The following UBR2 variants were observed in gnomAD, a reference collection of about 807,000 sequenced individuals.
The protein encoded by UBR2 is ubiquitin protein ligase E3 component n-recognin 2, also known as E3 ubiquitin-protein ligase UBR2.
A neutral mutation model predicts 247.9 loss-of-function variants in UBR2; 92 were observed. That is an observed-to-expected ratio of 0.37 (90% CI 0.31 to 0.44). The LOEUF is 0.44. Among genes scored for constraint, UBR2 ranks in the 20% least tolerant of loss-of-function variants. The pLI is 1.00. For missense variants in UBR2, 1,613 were observed against 2,112.6 expected, an observed-to-expected ratio of 0.76 and a Z score of 4.64; for synonymous variants, 672 against 693.5, an observed-to-expected ratio of 0.97 and a Z score of 0.49.
rs184198024 is a variant in UBR2, at chr6:42,621,753, G to A, written c.1281+4246G>A. Among the ~76,000 whole-genome samples, 230 of 151,744 alleles carry A rather than the reference G, an allele frequency of 1.5e-3. 2 individuals are homozygous for A. The highest frequency in any genetic ancestry group is 4.8e-3 in the African/African-American group (199 of 41,368). ...TGAGATTACAGGCGTGAGCCACCGCGCCAGGCCAGCCTTGGCCATTCTTAA... is the reference window on the plus strand; with the variant it reads ...TGAGATTACAGGCGTGAGCCACCGCACCAGGCCAGCCTTGGCCATTCTTAA... On this transcript the variant is annotated intron_variant, in intron 11 of 46. Transcript: ENST00000372901.
At chr6:42,608,534 G>A (rs1793862970) in intron 7 of UBR2, among the ~76,000 whole-genome samples, 1 of 152,124 alleles carries the variant, frequency 6.6e-6, no homozygotes, top group Non-Finnish European at 1.5e-5. Context: ...GGAGGCTGAG[G>A]TAGAAGGATT....
At chr6:42,680,501 A>G (rs1798978304) in intron 42 of UBR2, among the ~76,000 whole-genome samples, 1 of 151,392 alleles carries the variant, frequency 6.6e-6, no homozygotes, top group South Asian at 2.1e-4. Flanking sequence ...CTGCCTTTGA[A>G]CTCCTGGGCT....
Position 42,619,432 on chromosome 6 carries a change from TA to T in UBR2, c.1281+1926del, listed in dbSNP as rs1562317884. On this transcript the variant is annotated intron_variant, in intron 11 of 46. Coordinates refer to ENST00000372901, the MANE Select transcript of UBR2 (RefSeq NM_001363705.2). ...ATGAACATATATATATATATATATA[TA>T]TATATATATATATATATATATTTTT... 9.9e-3 allele frequency: 195 copies of T among 19,734 alleles called. 18 individuals carry two copies. The highest frequency in any genetic ancestry group is 0.045 in the East Asian group (23 of 516). 1.2% of individuals were successfully genotyped at this position (19,734 alleles called of 1,614,324 possible).
intron 14 of UBR2, among the ~76,000 whole-genome samples, chr6:42,635,876 A>G (rs1241611374): frequency 6.6e-6 from 1 of 152,212 alleles, no homozygotes; most frequent in African/African-American, 2.4e-5. Context: ...TATTATTGGT[A>G]CATTTGTCCT....
At chr6:42,648,997 C>T (rs1177828882) in intron 22 of UBR2, among the ~76,000 whole-genome samples, 2 of 151,976 alleles carry the variant, frequency 1.3e-5, no homozygotes, top group Admixed American at 1.3e-4. Context: ...TATACTTTGT[C>T]AGTACATATA....
intron 4 of UBR2, among the ~76,000 whole-genome samples, chr6:42,597,661 C>G (rs1274721091): frequency 6.6e-6 from 1 of 151,726 alleles, no homozygotes. Flanking sequence ...CACCTGTAAT[C>G]CCAGCACTTT....
At chr6:42,688,647 A>G (rs1194461447) in intron 45 of UBR2, among the ~76,000 whole-genome samples, 1 of 152,162 alleles carries the variant, frequency 6.6e-6, no homozygotes, top group South Asian at 2.1e-4. Context: ...CATGTCTCCC[A>G]CTAATGTGAA....
At chr6:42,657,972 G>A (rs1258393467) in intron 26 of UBR2, 52 bp from the exon 27 acceptor site, 2 of 1,352,332 alleles carry the variant, frequency 1.5e-6, no homozygotes, top group Middle Eastern at 2.0e-4. Context: ...GTAGGAATAA[G>A]TACTATGAAG....
chr6:42,581,203 T>C (rs1006329648), intron 2 of UBR2, among the ~76,000 whole-genome samples: 3 of 150,262 alleles, frequency 2.0e-5, no homozygotes, highest in African/African-American at 2.5e-5. Context: ...TTTTTTTTTT[T>C]CTCCGAGACG....
At chr6:42,671,943 A>C (rs73424442) in intron 36 of UBR2, among the ~76,000 whole-genome samples, 3,052 of 151,704 alleles carry the variant, frequency 0.02, 96 homozygotes, top group African/African-American at 0.069. Flanking sequence ...TCTCCTACAC[A>C]TACCTAAAAT....
In UBR2 at chr6:42,659,654, A is replaced by T. The variant is rs1215464364; in HGVS notation, c.3243-2A>T. On this transcript the variant is annotated splice_acceptor_variant, in intron 29 of 46. Transcript: ENST00000372901. LOFTEE classifies it high-confidence loss of function. The surrounding 1 kb of genome is among the most constrained non-coding windows in gnomAD (Gnocchi z 4.3). ...ATTATATTCATAACCTTTGTATTGC[A>T]GCCCTGTGGCTTCAGATATGACACT... is the stretch of plus-strand genomic sequence containing the variant. The T allele has an allele frequency of 6.2e-7, 1 of 1,613,170 alleles. No individual in the cohort carries two copies. Among genetic ancestry groups the T allele is most frequent in the Non-Finnish European group, 8.5e-7 (1 of 1,179,458 alleles).
chr6:42,659,132 G>T lies in UBR2; in HGVS notation c.3242+308G>T, dbSNP rs1451308868. 6.6e-6 allele frequency among the ~76,000 whole-genome samples: 1 copy of T among 152,110 alleles called. No individual in the cohort carries two copies. The highest frequency in any genetic ancestry group is 2.4e-5 in the African/African-American group (1 of 41,422). Reference sequence around the variant, plus strand: ...GTGTTGAAGATTAGATTACTGTGAGGATTAAAGGAGATGGTTTTGATACAT... The same window carrying T: ...GTGTTGAAGATTAGATTACTGTGAGTATTAAAGGAGATGGTTTTGATACAT... On this transcript the variant is annotated intron_variant, in intron 29 of 46. Transcript: ENST00000372901. The surrounding 1 kb of genome is among the most constrained non-coding windows in gnomAD (Gnocchi z 4.3).
chr6:42,564,679 T>A (rs1790673569), intron 1 of UBR2, among the ~76,000 whole-genome samples: 1 of 152,192 alleles, frequency 6.6e-6, no homozygotes, highest in Admixed American at 6.5e-5. Context: ...TCCCCCAGCC[T>A]CCCATTAAGT....
At position 42,666,226 on chromosome 6, in the gene UBR2, A is replaced by G; in HGVS notation, c.3862A>G (p.Arg1288Gly). ...TGAATTACAGCTCCCTGAAGGGTTC[A>G]GGCCTGATTTTCGTCCTAAGTGAGT... ...VDELQLPEGF[R>G]PDFRPKIPYS... is the part of the protein sequence containing the mutation. The change falls in exon 34 of 47, where the codon AGG becomes GGG. Residue 1288 changes from arginine (R) to glycine (G), a missense_variant. Around this residue, in one of 3 missense-constraint regions of UBR2, gnomAD observed 1,524 missense variants for 1,967.3 expected, o/e 0.77. Transcript: ENST00000372901. The G allele has an allele frequency of 6.2e-7, 1 of 1,612,528 alleles. No homozygotes were observed. The highest frequency in any genetic ancestry group is 8.5e-7 in the Non-Finnish European group (1 of 1,179,344).
rs770476202 is a variant in UBR2, at chr6:42,676,156, C to T, written c.4352C>T (p.Ala1451Val). The change falls in exon 39 of 47, where the codon GCA (alanine) becomes GTA (valine). Residue 1451 changes from alanine to valine, a missense_variant. Physicochemically the swap from Ala to Val is moderately conservative, Grantham distance 64. Around this residue, in one of 3 missense-constraint regions of UBR2, gnomAD observed 1,524 missense variants for 1,967.3 expected, o/e 0.77. Coordinates refer to ENST00000372901, the MANE Select transcript of UBR2 (RefSeq NM_001363705.2). ...CACATTTTCCATCTGGTTACTATGG[C>T]ACACATCATACAGATCTTACTTACC... ...DLHIFHLVTM[A>V]HIIQILLTSC... is the part of the protein sequence containing the mutation. 1.9e-5 allele frequency: 31 copies of T among 1,613,412 alleles called. 1 individual carries two copies. The South Asian group carries it at 3.4e-4, about 18-fold the overall frequency.
At chr6:42,636,983 T>A (rs1297264993) in intron 14 of UBR2, 28 bp from the exon 15 acceptor site, 1 of 1,594,178 alleles carries the variant, frequency 6.3e-7, no homozygotes, top group African/African-American at 1.3e-5. Flanking sequence ...ACCTTTTGAG[T>A]AACTTACAGA....
chr6:42,670,166 T>C lies in UBR2; in HGVS notation c.3956T>C (p.Val1319Ala). Residue 1319 changes from valine to alanine, a missense_variant, in exon 35 of 47, where the codon GTT becomes GCT. Around this residue, in one of 3 missense-constraint regions of UBR2, gnomAD observed 1,524 missense variants for 1,967.3 expected, o/e 0.77. Coordinates refer to ENST00000372901, the MANE Select transcript of UBR2 (RefSeq NM_001363705.2). ...GCTACCTACAAGGTGGGACTAAAGG[T>C]TCATCCCAATGAAGAGGATCCTCGT... ...GTATYKVGLK[V>A]HPNEEDPRVP... 6.2e-7 allele frequency: 1 copy of C among 1,614,152 alleles called. No homozygotes were observed. Among genetic ancestry groups the C allele is most frequent in the African/African-American group, 1.3e-5 (1 of 75,050 alleles).
intron 43 of UBR2, among the ~76,000 whole-genome samples, 159 bp from the exon 44 acceptor site, chr6:42,684,635 C>T (rs539888357): frequency 1.7e-4 from 26 of 151,930 alleles, no homozygotes; most frequent in African/African-American, 6.3e-4. Flanking sequence ...AATAATCCCC[C>T]CTTCAGTTTA....
At chr6:42,612,864 G>A (rs1184588727) in intron 8 of UBR2, among the ~76,000 whole-genome samples, 1 of 152,174 alleles carries the variant, frequency 6.6e-6, no homozygotes, top group African/African-American at 2.4e-5. Context: ...ACTTTGGGAG[G>A]CCAAGGTGGG....
Sources: gnomAD v4.1 joint callset for allele counts (sites outside exome capture counted in the v4.1 genomes callset) on GRCh38, gnomAD v4.1.1 for gene constraint, gnomAD v4.1.1 regional missense constraint, Gnocchi (gnomAD v3.1) non-coding constraint, MANE v1.5 for transcripts, NCBI Gene and HGNC (gene_info 2026-07-23, HGNC 2026-07-21) for gene names.